The following CADM2 variants were observed in gnomAD, a reference collection of about 807,000 sequenced individuals.
The protein encoded by CADM2 is cell adhesion molecule 2.
Under a neutral mutation model 49.8 loss-of-function variants are expected in CADM2, and 12 were observed. The observed-to-expected ratio is 0.24, with a 90% confidence interval of 0.15 to 0.39. The LOEUF (loss-of-function observed/expected upper bound fraction) is 0.39. Ranked by LOEUF, CADM2 falls within the 10% of genes least tolerant of loss-of-function variation. CADM2 has a pLI of 1.00. For missense variants in CADM2, 378 were observed against 492.3 expected, an observed-to-expected ratio of 0.77 and a Z score of 2.20; for synonymous variants, 214 against 175.4, an observed-to-expected ratio of 1.22 and a Z score of -1.74.
chr3:85,988,693 ATTG>A (rs1204175665), intron 8 of CADM2, among the ~76,000 whole-genome samples: 2 of 152,180 alleles, frequency 1.3e-5, no homozygotes, highest in Non-Finnish European at 2.9e-5. Flanking sequence ...CTTCACCAAT[ATTG>A]TTTAAAGAAT....
At chr3:85,535,110 A>G (rs2061397231) in intron 1 of CADM2, among the ~76,000 whole-genome samples, 1 of 152,144 alleles carries the variant, frequency 6.6e-6, no homozygotes, top group Admixed American at 6.6e-5. Flanking sequence ...TACAGACTCG[A>G]TTGCACTTTA....
At chr3:85,273,389 A>G (rs1205765412) in intron 1 of CADM2, among the ~76,000 whole-genome samples, 1 of 151,338 alleles carries the variant, frequency 6.6e-6, no homozygotes, top group Admixed American at 6.6e-5. Flanking sequence ...TGTTGAGTAA[A>G]ATCTTTAAAA....
At chr3:85,382,815 T>C (rs2033978701) in intron 1 of CADM2, among the ~76,000 whole-genome samples, 1 of 152,088 alleles carries the variant, frequency 6.6e-6, no homozygotes, top group Non-Finnish European at 1.5e-5. Context: ...AATGAAGAAA[T>C]AGTGAATTTA....
chr3:85,846,489 C>A (rs2074886190), intron 3 of CADM2, among the ~76,000 whole-genome samples: 1 of 152,074 alleles, frequency 6.6e-6, no homozygotes, highest in East Asian at 1.9e-4. Flanking sequence ...TGTCAGGAGT[C>A]AGGTTATTCA....
At chr3:85,457,184 A>C (rs1412141578) in intron 1 of CADM2, among the ~76,000 whole-genome samples, 3 of 152,152 alleles carry the variant, frequency 2.0e-5, no homozygotes, top group Non-Finnish European at 2.9e-5. Context: ...AGGCTGAGGC[A>C]GGTGGATCAC....
chr3:85,648,344 G>A (rs1156794229), intron 1 of CADM2, among the ~76,000 whole-genome samples: 1 of 151,890 alleles, frequency 6.6e-6, no homozygotes, highest in Non-Finnish European at 1.5e-5. Flanking sequence ...TCTTTGAGCA[G>A]CTGAATGTTG....
At chr3:85,205,191 T>TA (rs140740305) in intron 1 of CADM2, among the ~76,000 whole-genome samples, 10,763 of 148,194 alleles carry the variant, frequency 0.073, 1,268 homozygotes, top group African/African-American at 0.25. Context: ...TTAATTTTTC[T>TA]AAAAAAAAAA....
intron 1 of CADM2, among the ~76,000 whole-genome samples, chr3:85,566,208 C>A (rs989912447): frequency 1.2e-4 from 18 of 152,036 alleles, no homozygotes; most frequent in African/African-American, 4.3e-4. Flanking sequence ...TGAGTGTGAT[C>A]TTATCTCTCC....
intron 3 of CADM2, among the ~76,000 whole-genome samples, chr3:85,835,909 T>G (rs551207248): frequency 6.6e-6 from 1 of 151,286 alleles, no homozygotes; most frequent in South Asian, 2.1e-4. Flanking sequence ...TTATTTCTAC[T>G]GAAAGTCACC....
chr3:85,360,993 A>G (rs772086690), intron 1 of CADM2, among the ~76,000 whole-genome samples: 7 of 152,122 alleles, frequency 4.6e-5, no homozygotes, highest in Non-Finnish European at 1.0e-4. Flanking sequence ...ACCCCAGCAT[A>G]CAGTCTATCA....
At chr3:85,133,956 G>A (rs904086495) in intron 1 of CADM2, among the ~76,000 whole-genome samples, 6 of 152,234 alleles carry the variant, frequency 3.9e-5, no homozygotes, top group Admixed American at 2.6e-4. Context: ...AGCCCACGGA[G>A]GGGATGGGAG....
intron 8 of CADM2, among the ~76,000 whole-genome samples, chr3:86,063,551 T>C (rs1034034415): frequency 6.6e-6 from 1 of 152,202 alleles, no homozygotes; most frequent in Non-Finnish European, 1.5e-5. Flanking sequence ...GAAGTAGGTG[T>C]CGGGGAGTAT....
chr3:85,935,408 A>T (rs1310627915), intron 6 of CADM2, among the ~76,000 whole-genome samples: 1 of 152,088 alleles, frequency 6.6e-6, no homozygotes, highest in Admixed American at 6.6e-5. Context: ...ACATAAATGC[A>T]TTCAGCCCAT....
chr3:85,630,805 C>T (rs2064284061), intron 1 of CADM2, among the ~76,000 whole-genome samples: 1 of 151,926 alleles, frequency 6.6e-6, no homozygotes, highest in South Asian at 2.1e-4. Context: ...AGGTTTTCAC[C>T]TTTAATCACA....
chr3:85,284,449 A>C (rs760131653), intron 1 of CADM2, among the ~76,000 whole-genome samples: 1 of 152,096 alleles, frequency 6.6e-6, no homozygotes, highest in Non-Finnish European at 1.5e-5. Flanking sequence ...GAAGAAGAAA[A>C]ATATCAGGAT....
At chr3:85,469,769 T>C (rs1248980548) in intron 1 of CADM2, among the ~76,000 whole-genome samples, 1 of 152,148 alleles carries the variant, frequency 6.6e-6, no homozygotes, top group Non-Finnish European at 1.5e-5. Flanking sequence ...TAAAATTGAC[T>C]GTAGTATGTT....
chr3:85,020,276 C>T (rs1310468449), intron 1 of CADM2, among the ~76,000 whole-genome samples: 1 of 152,024 alleles, frequency 6.6e-6, no homozygotes, highest in East Asian at 1.9e-4. Flanking sequence ...CAGTACAGTC[C>T]TTTAATATAG....
intron 1 of CADM2, among the ~76,000 whole-genome samples, chr3:85,249,033 A>T (rs963938422): frequency 6.6e-6 from 1 of 152,112 alleles, no homozygotes; most frequent in Non-Finnish European, 1.5e-5. Flanking sequence ...GCTTCAAGAA[A>T]TTTTTTTGTC....
intron 1 of CADM2, among the ~76,000 whole-genome samples, chr3:85,567,648 T>A (rs1576822452): frequency 6.6e-6 from 1 of 151,682 alleles, no homozygotes; most frequent in Middle Eastern, 3.4e-3. Context: ...TCCAGATAGA[T>A]AGATAGTAGG....
Sources: allele counts gnomAD v4.1 joint callset (sites outside exome capture counted in the v4.1 genomes callset), GRCh38; gene constraint gnomAD v4.1.1; transcripts MANE v1.5; gene names NCBI Gene and HGNC (gene_info 2026-07-23, HGNC 2026-07-21).